Variants in STK39 observed in about 807,000 individuals in gnomAD.
The protein encoded by STK39 is serine/threonine kinase 39.
A neutral mutation model predicts 77.8 loss-of-function variants in STK39; 20 were observed. The observed-to-expected ratio is 0.26, with a 90% CI of 0.18 to 0.37. The LOEUF is 0.37. STK39 is among the 10% of genes least tolerant of loss of function. The pLI is 1.00. For missense variants in STK39, 479 were observed against 656.5 expected (o/e 0.73, Z 2.95); for synonymous variants, 246 against 234.1 (o/e 1.05, Z -0.47).
chr2:168,235,768 T>C (rs1690588371), intron 1 of STK39, among the ~76,000 whole-genome samples: 1 of 152,046 alleles, frequency 6.6e-6, no homozygotes, highest in African/African-American at 2.4e-5. Flanking sequence ...TCCATGTCCC[T>C]ACAAAGGACA....
intron 12 of STK39, among the ~76,000 whole-genome samples, chr2:168,071,642 G>A (rs1296810507): frequency 6.6e-6 from 1 of 152,036 alleles, no homozygotes. Context: ...AGCACTTCTG[G>A]AGGCCGAGGC....
chr2:168,222,010 C>A (rs2271739), intron 1 of STK39, among the ~76,000 whole-genome samples: 7,544 of 152,216 alleles, frequency 0.05, 310 homozygotes, highest in East Asian at 0.2. Context: ...TTTCCTAACC[C>A]ACATGGCACC....
At chr2:168,028,275 T>C (rs1225078971) in intron 14 of STK39, among the ~76,000 whole-genome samples, 3 of 152,226 alleles carry the variant, frequency 2.0e-5, no homozygotes, top group Non-Finnish European at 2.9e-5. Flanking sequence ...TATTTTGTCA[T>C]ATTTACTTCA....
intron 14 of STK39, among the ~76,000 whole-genome samples, chr2:168,056,964 T>G (rs558742124): frequency 2.8e-4 from 42 of 152,154 alleles, no homozygotes; most frequent in African/African-American, 9.4e-4. Flanking sequence ...CAATACTGGA[T>G]AGTGGGTTTT....
At chr2:168,129,790 C>A (rs776579187) in intron 8 of STK39, 32 bp from the exon 9 acceptor site, 1 of 1,610,168 alleles carries the variant, frequency 6.2e-7, no homozygotes, top group East Asian at 2.2e-5. Flanking sequence ...AGAGTTGAAA[C>A]AATGACCACT....
chr2:168,142,691 C>T (rs908595), intron 5 of STK39, among the ~76,000 whole-genome samples: 52,503 of 152,034 alleles, frequency 0.35, 9,515 homozygotes, highest in African/African-American at 0.44. Context: ...ATGATACATA[C>T]ATTCAGAGCC....
chr2:168,177,172 T>C (rs1381573054), intron 2 of STK39, among the ~76,000 whole-genome samples: 6 of 152,182 alleles, frequency 3.9e-5, no homozygotes, highest in Non-Finnish European at 8.8e-5. Context: ...TGTTCACATA[T>C]GGAATTCACA....
intron 1 of STK39, among the ~76,000 whole-genome samples, chr2:168,209,636 C>T (rs1408356883): frequency 6.6e-6 from 1 of 152,052 alleles, no homozygotes; most frequent in Non-Finnish European, 1.5e-5. Context: ...GCCGAGATCG[C>T]ACCACTGCAC....
At chr2:168,003,289 T>C (rs977479764) in intron 16 of STK39, among the ~76,000 whole-genome samples, 27 of 152,236 alleles carry the variant, frequency 1.8e-4, no homozygotes, top group African/African-American at 6.3e-4. Context: ...CTGCTGAATA[T>C]CTTAATTCAT....
chr2:168,141,067 C>T (rs1445431509), intron 5 of STK39, among the ~76,000 whole-genome samples: 1 of 152,122 alleles, frequency 6.6e-6, no homozygotes, highest in Non-Finnish European at 1.5e-5. Context: ...AGCCAACATG[C>T]CCGAGTATGT....
At chr2:168,086,349 GT>G (rs1368052211) in intron 10 of STK39, among the ~76,000 whole-genome samples, 6 of 152,112 alleles carry the variant, frequency 3.9e-5, no homozygotes, top group African/African-American at 1.4e-4. Flanking sequence ...ATCTGACTAT[GT>G]TATTATACAC....
At chr2:168,140,132 T>C (rs1687943199) in intron 7 of STK39, among the ~76,000 whole-genome samples, 157 bp downstream of exon 7, 1 of 152,250 alleles carries the variant, frequency 6.6e-6, no homozygotes, top group South Asian at 2.1e-4. Flanking sequence ...TGTCCTATTC[T>C]GTCCACTGAG....
chr2:168,164,890 T>G (rs1369951463), intron 3 of STK39, among the ~76,000 whole-genome samples: 4 of 152,048 alleles, frequency 2.6e-5, no homozygotes, highest in African/African-American at 9.7e-5. Flanking sequence ...TACCTGGGGG[T>G]TTGACATTTC....
At chr2:168,129,828 ACTTAAC>A in intron 8 of STK39, 70 bp from the exon 9 acceptor site, 2 of 1,545,724 alleles carry the variant, frequency 1.3e-6, no homozygotes, top group African/African-American at 2.7e-5. Flanking sequence ...TGATGAAACA[ACTTAAC>A]CTTAAGAGTA....
intron 5 of STK39, among the ~76,000 whole-genome samples, chr2:168,150,589 G>A (rs1414776375): frequency 6.6e-6 from 1 of 152,028 alleles, no homozygotes; most frequent in Admixed American, 6.5e-5. Context: ...GATTTATGTG[G>A]CACTACTCCT....
rs745969920 is a variant in STK39 at position 168,140,531 on chromosome 2, A to G, written c.738+118T>C. Reference sequence around the variant, plus strand: ...CTAATTAGCTAGCAATTGAGAATTAAATCTTAGTTACATTATGCATTCTAC... The same window carrying G: ...CTAATTAGCTAGCAATTGAGAATTAGATCTTAGTTACATTATGCATTCTAC... On this transcript the variant is annotated intron_variant, in intron 6 of 17. Coordinates refer to ENST00000355999, the MANE Select transcript of STK39 (RefSeq NM_013233.3). 1.1e-4 allele frequency: 122 copies of G among 1,148,934 alleles called. 1 individual carries two copies. Among genetic ancestry groups the G allele is most frequent in the Non-Finnish European group, 1.5e-4 (121 of 784,314 alleles). The allele number at this position is 1,148,934 out of a possible 1,614,324, so 71.2% of individuals were successfully genotyped here.
chr2:168,108,919 C>T (rs1248987430), intron 10 of STK39, among the ~76,000 whole-genome samples: 1 of 152,188 alleles, frequency 6.6e-6, no homozygotes, highest in Non-Finnish European at 1.5e-5. Context: ...ATTTAGTGTA[C>T]TAGGCACTAA....
chr2:167,990,774 T>G (rs1011602930), intron 16 of STK39, among the ~76,000 whole-genome samples: 4 of 152,252 alleles, frequency 2.6e-5, no homozygotes, highest in Admixed American at 1.3e-4. Context: ...TTATCGGATG[T>G]CTACTAGGCA....
At chr2:168,191,162 C>A (rs74356901) in intron 1 of STK39, among the ~76,000 whole-genome samples, 3 of 152,156 alleles carry the variant, frequency 2.0e-5, no homozygotes, top group Non-Finnish European at 4.4e-5. Context: ...GCTATAGGCA[C>A]GTTGGCTTTG....
Sources: gnomAD v4.1 joint callset for allele counts (sites outside exome capture counted in the v4.1 genomes callset) on GRCh38, gnomAD v4.1.1 for gene constraint, MANE v1.5 for transcripts, NCBI Gene and HGNC (gene_info 2026-07-23, HGNC 2026-07-21) for gene names.